MAPK14: variants seen among roughly 807,000 people sequenced by gnomAD.
The protein encoded by MAPK14 is mitogen-activated protein kinase 14.
In MAPK14, 16 loss-of-function variants were observed where a neutral mutation model predicts 49.6. That is an observed-to-expected ratio of 0.32 (90% CI 0.22 to 0.49). The LOEUF (loss-of-function observed/expected upper bound fraction) is 0.49, where lower values mean the gene tolerates loss of function less well. MAPK14 is among the 20% of genes least tolerant of loss of function. The pLI, the probability that MAPK14 is intolerant of heterozygous loss-of-function variation, is 0.99. For missense variants in MAPK14, 200 were observed against 441.2 expected, an observed-to-expected ratio of 0.45 and a Z score of 4.90; for synonymous variants, 142 against 158.0, an observed-to-expected ratio of 0.90 and a Z score of 0.76.
intron 8 of MAPK14, among the ~76,000 whole-genome samples, chr6:36,095,171 A>G (rs750936732): frequency 2.6e-5 from 4 of 152,238 alleles, no homozygotes; most frequent in Non-Finnish European, 5.9e-5. Context: ...ATGCACATAC[A>G]TTCTGAGTAT....
At chr6:36,072,088 A>G (rs2043157107) in intron 3 of MAPK14, among the ~76,000 whole-genome samples, 2 of 152,140 alleles carry the variant, frequency 1.3e-5, no homozygotes, top group Admixed American at 1.3e-4. Context: ...TAGAATAGTA[A>G]TGTTGGGAGG....
At chr6:36,108,240 A>G (rs182536391) in intron 11 of MAPK14, 140 bp from the exon 12 acceptor site, 64 of 666,620 alleles carry the variant, frequency 9.6e-5, no homozygotes, top group Non-Finnish European at 1.6e-4. Context: ...CCAGTAGGCT[A>G]TTACATACAA....
chr6:36,063,880 G>A (rs1763930458), intron 3 of MAPK14, among the ~76,000 whole-genome samples: 1 of 152,134 alleles, frequency 6.6e-6, no homozygotes, highest in African/African-American at 2.4e-5. Flanking sequence ...TAAATGACTG[G>A]AAATCCTTTG....
At chr6:36,092,413 C>A (rs1207102045) in intron 8 of MAPK14, 1 of 681,024 alleles carries the variant, frequency 1.5e-6, no homozygotes, top group African/African-American at 1.8e-5. Flanking sequence ...GACTGTTTCA[C>A]CAGAACGATA....
intron 8 of MAPK14, among the ~76,000 whole-genome samples, chr6:36,077,101 G>A (rs556954387): frequency 1.3e-5 from 2 of 152,340 alleles, no homozygotes; most frequent in African/African-American, 4.8e-5. Context: ...AAAGCAAGAA[G>A]TGAAAAGCTT....
intron 8 of MAPK14, chr6:36,092,543 G>A (rs1370519980): frequency 4.0e-6 from 2 of 499,282 alleles, no homozygotes; most frequent in East Asian, 5.3e-5. Context: ...TAGGAGCCAT[G>A]TATGTTGTTT....
At chr6:36,054,654 G>T (rs1252429273) in intron 2 of MAPK14, among the ~76,000 whole-genome samples, 2 of 152,140 alleles carry the variant, frequency 1.3e-5, no homozygotes, top group African/African-American at 4.8e-5. Context: ...ACTCAATGTA[G>T]AAAAATTCCT....
intron 2 of MAPK14, among the ~76,000 whole-genome samples, chr6:36,058,273 T>G (rs1227476630): frequency 1.3e-5 from 2 of 152,220 alleles, no homozygotes; most frequent in Non-Finnish European, 2.9e-5. Context: ...ATGGAAATTT[T>G]TCGTGGAATA....
downstream of MAPK14, among the ~76,000 whole-genome samples, chr6:36,111,660 A>G (rs941302190): frequency 6.6e-6 from 1 of 151,976 alleles, no homozygotes; most frequent in Non-Finnish European, 1.5e-5. Context: ...GTTCTCAGGG[A>G]CTTTGCTGAT....
intron 8 of MAPK14, among the ~76,000 whole-genome samples, chr6:36,078,653 C>T (rs1389593667): frequency 1.3e-5 from 2 of 152,188 alleles, no homozygotes; most frequent in Admixed American, 1.3e-4. Context: ...TTTTTTAATA[C>T]ATGAGAATTC....
Position 36,090,753 on chromosome 6 carries a change from A to G in MAPK14, c.683-5234A>G, listed in dbSNP as rs557153905. Among the ~76,000 whole-genome samples, 14 of 152,230 alleles carry G rather than the reference A, an allele frequency of 9.2e-5. 1 individual carries two copies. In the South Asian group the frequency reaches 2.3e-3, roughly 25 times the overall value. On this transcript the variant is annotated intron_variant, in intron 8 of 11. Coordinates refer to ENST00000229794, the MANE Select transcript of MAPK14 (RefSeq NM_139012.3). ...TGTTGGCCAGCCTGGATGTTCTCTCATTTTTAAAAAGCAGTTTCACTTTAG... is the reference window on the plus strand; with the variant it reads ...TGTTGGCCAGCCTGGATGTTCTCTCGTTTTTAAAAAGCAGTTTCACTTTAG...
At chr6:36,096,199 G>T in intron 9 of MAPK14, 133 bp downstream of exon 9, 2 of 640,558 alleles carry the variant, frequency 3.1e-6, no homozygotes, top group East Asian at 5.4e-5. Context: ...GATGAGTGAG[G>T]TATAAGACAG....
Position 36,107,696 on chromosome 6 carries a change from A to G in MAPK14, c.1015+68A>G. On this transcript the variant is annotated intron_variant, in intron 11 of 11. Transcript: ENST00000229794. This position sits in a 1 kb window ranked among gnomAD's most constrained non-coding sequence, Gnocchi z 4.3. ...AAAGCGGTGGGAAAAATAAAAACTG[A>G]ATGGTCATAACCAACTTGCTAAAGC... is the stretch of plus-strand genomic sequence containing the variant. 4.9e-6 allele frequency: 6 copies of G among 1,235,540 alleles called. No homozygotes were observed. The highest frequency in any genetic ancestry group is 6.6e-6 in the Non-Finnish European group (6 of 909,272). The allele number at this position is 1,235,540 out of a possible 1,614,324, so 76.5% of individuals were successfully genotyped here. A position where few individuals can be genotyped will look rare whatever the true frequency, so the allele number is the denominator to read the frequency against.
chr6:36,052,155 A>G (rs1433240972), intron 1 of MAPK14, among the ~76,000 whole-genome samples: 1 of 152,088 alleles, frequency 6.6e-6, no homozygotes, highest in Non-Finnish European at 1.5e-5. Context: ...TGCTCAAGAA[A>G]TATTTGTGGC....
intron 8 of MAPK14, chr6:36,092,703 G>A (rs1765285483): frequency 3.3e-6 from 1 of 306,134 alleles, no homozygotes; most frequent in Non-Finnish European, 6.4e-6. Flanking sequence ...CAAAGTGTAG[G>A]GGTGACAAAG....
chr6:36,077,866 TA>T (rs1198356197), intron 8 of MAPK14, among the ~76,000 whole-genome samples: 1 of 152,200 alleles, frequency 6.6e-6, no homozygotes, highest in Non-Finnish European at 1.5e-5. Flanking sequence ...CAGTCCAAGG[TA>T]AGAGAATTAG....
At chr6:36,068,695 G>T (rs1051859556) in intron 3 of MAPK14, among the ~76,000 whole-genome samples, 1 of 152,112 alleles carries the variant, frequency 6.6e-6, no homozygotes, top group African/African-American at 2.4e-5. Context: ...CTTTCTGATT[G>T]TTCTGTGCTT....
In MAPK14 at chr6:36,028,490, G is replaced by C. The variant is rs1180749199; in HGVS notation, c.116+217G>C. Among the ~76,000 whole-genome samples the C allele has an allele frequency of 6.6e-6, 1 of 152,224 alleles. No homozygotes were observed. The highest frequency in any genetic ancestry group is 1.5e-5 in the Non-Finnish European group (1 of 68,040). ...TCCACCGTGTGCAGCACTCAGGTCC[G>C]CTGCGAGAGGTAGGTGGTGGTGCTG... On this transcript the variant is annotated intron_variant, in intron 1 of 11. Transcript: ENST00000229794. This position sits in a 1 kb window ranked among gnomAD's most constrained non-coding sequence, Gnocchi z 5.1.
At chr6:36,052,074 C>T (rs1050024157) in intron 1 of MAPK14, among the ~76,000 whole-genome samples, 2 of 152,120 alleles carry the variant, frequency 1.3e-5, no homozygotes, top group African/African-American at 2.4e-5. Context: ...ATTTTCATCA[C>T]TACTTGAAAT....
Sources: allele counts gnomAD v4.1 joint callset (sites outside exome capture counted in the v4.1 genomes callset), GRCh38; gene constraint gnomAD v4.1.1; non-coding constraint Gnocchi (gnomAD v3.1); transcripts MANE v1.5; gene names NCBI Gene and HGNC (gene_info 2026-07-23, HGNC 2026-07-21).